The following NTPCR variants were observed in gnomAD, a reference collection of about 807,000 sequenced individuals.
NTPCR encodes the protein nucleoside-triphosphatase, cancer-related.
Under a neutral mutation model 19.5 loss-of-function variants are expected in NTPCR, and 15 were observed. The ratio of observed to expected loss-of-function variants is 0.77; its 90% CI spans 0.51 to 1.18. The LOEUF is 1.18. Among genes scored for constraint, NTPCR ranks in the 50% most tolerant of loss-of-function variants. NTPCR has a pLI of 0.00. For synonymous variants in NTPCR, 90 were observed against 95.8 expected, an observed-to-expected ratio of 0.94 and a Z score of 0.36; for missense variants, 206 against 240.4, an observed-to-expected ratio of 0.86 and a Z score of 0.95.
At chr1:232,970,915 G>A (rs947784140) in intron 4 of NTPCR, among the ~76,000 whole-genome samples, 1 of 152,152 alleles carries the variant, frequency 6.6e-6, no homozygotes, top group Non-Finnish European at 1.5e-5. Context: ...CTGGTCCAAG[G>A]AGTCAAACTC....
chr1:232,969,599 G>C (rs1388795249), intron 3 of NTPCR: 2 of 282,388 alleles, frequency 7.1e-6, no homozygotes, highest in Non-Finnish European at 1.4e-5. Flanking sequence ...GCATCCTTTA[G>C]ATCTCAGATT....
At chr1:232,958,707 G>T (rs998478563) in intron 3 of NTPCR, among the ~76,000 whole-genome samples, 11 of 152,196 alleles carry the variant, frequency 7.2e-5, no homozygotes, top group Admixed American at 7.2e-4. Flanking sequence ...TGCGGGAGCA[G>T]AGAACATGGT....
chr1:232,958,289 C>T (rs1431741408), intron 3 of NTPCR, among the ~76,000 whole-genome samples: 3 of 152,224 alleles, frequency 2.0e-5, no homozygotes, highest in African/African-American at 7.2e-5. Context: ...CCTTACTAAC[C>T]TCTGACCTCA....
At chr1:232,959,924 G>T (rs1370902168) in intron 3 of NTPCR, among the ~76,000 whole-genome samples, 1 of 152,036 alleles carries the variant, frequency 6.6e-6, no homozygotes, top group Non-Finnish European at 1.5e-5. Flanking sequence ...TAAGGATGTG[G>T]CTGGGACTGG....
intron 3 of NTPCR, chr1:232,962,483 T>C (rs1668693495): frequency 1.3e-5 from 2 of 152,236 alleles, no homozygotes; most frequent in South Asian, 4.1e-4. Flanking sequence ...AAGATAATGC[T>C]GGCCTTTTTC....
rs373556229 is a variant in NTPCR at position 232,955,710 on chromosome 1, C to G, written c.188C>G (p.Ser63Trp). 2 of 1,613,522 alleles carry G rather than the reference C, an allele frequency of 1.2e-6. No individual in the cohort carries two copies. Among genetic ancestry groups the G allele is most frequent in the Non-Finnish European group, 1.7e-6 (2 of 1,179,798 alleles). The change falls in exon 2 of 5, where the codon TCG (serine) becomes TGG (tryptophan). Residue 63 changes from serine to tryptophan, a missense_variant. Ser to Trp is a radical substitution (Grantham distance 177). Transcript: ENST00000366628. Reference sequence around the variant, plus strand: ...TTGTCCGGCACCCGGGGGCCTTTATCGAGAGTTGGGTACTGATATTTCATT... The same window carrying G: ...TTGTCCGGCACCCGGGGGCCTTTATGGAGAGTTGGGTACTGATATTTCATT... ...VTLSGTRGPL[S>W]RVGLEPPPGK... is the part of the protein sequence containing the mutation.
chr1:232,952,927 C>T (rs1044106042), intron 1 of NTPCR, among the ~76,000 whole-genome samples: 7 of 152,276 alleles, frequency 4.6e-5, no homozygotes, highest in Non-Finnish European at 1.0e-4. Flanking sequence ...GCCCACTTGG[C>T]CTGCAAACAG....
intron 3 of NTPCR, chr1:232,966,925 A>G (rs968878687): frequency 6.6e-6 from 1 of 152,184 alleles, no homozygotes. Context: ...TACACCCCAG[A>G]TGGTGTGTAC....
At chr1:232,968,556 C>T (rs1402510385) in intron 3 of NTPCR, 4 of 152,178 alleles carry the variant, frequency 2.6e-5, no homozygotes, top group Non-Finnish European at 4.4e-5. Flanking sequence ...AGATTCCCAC[C>T]TCTGTGTGTG....
intron 4 of NTPCR, among the ~76,000 whole-genome samples, chr1:232,973,809 A>G (rs1669053714): frequency 6.6e-6 from 1 of 152,264 alleles, no homozygotes; most frequent in African/African-American, 2.4e-5. Flanking sequence ...CATCAGCAGA[A>G]TAGAGATGAC....
chr1:232,957,626 C>A (rs536901761), intron 3 of NTPCR, among the ~76,000 whole-genome samples: 1 of 152,222 alleles, frequency 6.6e-6, no homozygotes, highest in Admixed American at 6.5e-5. Flanking sequence ...AAAGAACCAG[C>A]TTTTGTTTTA....
rs1669305702 is a variant in NTPCR, at chr1:232,982,374, A to G, written c.*4143A>G. On this transcript the variant is annotated 3_prime_UTR_variant, in exon 5 of 5. Coordinates refer to ENST00000366628, the MANE Select transcript of NTPCR (RefSeq NM_032324.3). The stretch of plus-strand genomic sequence containing the variant: ...TGTGTGTGCACATCTGTGCCTCGGT[A>G]TGCACACTCGAGATGCCCGCTCTCA... 1 of 152,200 alleles carries G rather than the reference A, an allele frequency of 6.6e-6. No homozygotes were observed. The highest frequency in any genetic ancestry group is 1.5e-5 in the Non-Finnish European group (1 of 68,050). The allele number at this position is 152,200 out of a possible 1,614,324, so 9.4% of individuals were successfully genotyped here.
At chr1:232,955,928 C>T (rs1226207041) in intron 2 of NTPCR, among the ~76,000 whole-genome samples, 1 of 152,112 alleles carries the variant, frequency 6.6e-6, no homozygotes, top group Non-Finnish European at 1.5e-5. Flanking sequence ...AATCTTAGGC[C>T]TTTAGGGATT....
intron 3 of NTPCR, chr1:232,964,868 A>T (rs1668769127): frequency 6.6e-6 from 1 of 152,160 alleles, no homozygotes; most frequent in Admixed American, 6.5e-5. Context: ...TATTGATGAA[A>T]ATTTTTACTA....
chr1:232,974,505 G>A (rs1377420332), intron 4 of NTPCR, among the ~76,000 whole-genome samples: 5 of 152,100 alleles, frequency 3.3e-5, no homozygotes, highest in African/African-American at 9.6e-5. Context: ...GAGGCAAAAC[G>A]ATAACATTCT....
At position 232,950,693 on chromosome 1, in the gene NTPCR, CT is replaced by C; in HGVS notation, c.-17del. On this transcript the variant is annotated 5_prime_UTR_variant, in exon 1 of 5. Transcript: ENST00000366628. Reference sequence around the variant, plus strand: ...TGGACTGCTCCCCTGACCGCAACCCCTACCCCCGCCCACCAGTATGGCCCGG... The same window carrying C: ...TGGACTGCTCCCCTGACCGCAACCCCACCCCCGCCCACCAGTATGGCCCGG... 1.2e-6 allele frequency: 2 copies of C among 1,605,556 alleles called. No homozygotes were observed. Among genetic ancestry groups the C allele is most frequent in the Non-Finnish European group, 8.5e-7 (1 of 1,173,824 alleles).
chr1:232,979,730 A>T lies in NTPCR; in HGVS notation c.*1499A>T, dbSNP rs1023390233. 4 of 152,226 alleles carry T rather than the reference A, an allele frequency of 2.6e-5. No homozygotes were observed. The highest frequency in any genetic ancestry group is 2.0e-4 in the Admixed American group (3 of 15,278). 9.4% of individuals were successfully genotyped at this position (152,226 alleles called of 1,614,324 possible). A position where few individuals can be genotyped will look rare whatever the true frequency, so the allele number is the denominator to read the frequency against. ...GACTTCCAGCCACCATCACCAGGAC[A>T]CCGGTGTGGGCTGCATGCCTCAGTG... On this transcript the variant is annotated 3_prime_UTR_variant, in exon 5 of 5. Transcript: ENST00000366628. The surrounding 1 kb of genome is among the most constrained non-coding windows in gnomAD (Gnocchi z 5.3).
At chr1:232,953,026 T>C (rs553569408) in intron 1 of NTPCR, among the ~76,000 whole-genome samples, 1 of 152,286 alleles carries the variant, frequency 6.6e-6, no homozygotes, top group African/African-American at 2.4e-5. Flanking sequence ...ATTCCCTACT[T>C]TCTCACTCCT....
intron 4 of NTPCR, chr1:232,976,957 A>G (rs950710393): frequency 1.9e-5 from 3 of 158,614 alleles, no homozygotes; most frequent in South Asian, 1.8e-4. Flanking sequence ...ACAGTCTCCT[A>G]AAGACAACCA....
Sources: gnomAD v4.1 joint callset for allele counts (sites outside exome capture counted in the v4.1 genomes callset) on GRCh38, gnomAD v4.1.1 for gene constraint, Gnocchi (gnomAD v3.1) non-coding constraint, MANE v1.5 for transcripts, NCBI Gene and HGNC (gene_info 2026-07-23, HGNC 2026-07-21) for gene names.